The following UEVLD variants were observed in gnomAD, a reference collection of about 807,000 sequenced individuals.
UEVLD encodes the protein UEV and lactate/malate dehyrogenase domains, also known as ubiquitin-conjugating enzyme E2 variant 3.
Under a neutral mutation model 58.6 loss-of-function variants are expected in UEVLD, and 47 were observed. The observed-to-expected ratio is 0.80, with a 90% confidence interval of 0.63 to 1.02. UEVLD has a LOEUF of 1.02. Among genes scored for constraint, UEVLD ranks in the 50% least tolerant of loss-of-function variants. The pLI is 0.00. For missense variants in UEVLD, 510 were observed against 550.6 expected (o/e 0.93, Z 0.74); for synonymous variants, 197 against 195.3 (o/e 1.01, Z -0.07).
chr11:18,552,552 G>A (rs4623881), intron 7 of UEVLD, among the ~76,000 whole-genome samples: 56,205 of 151,386 alleles, frequency 0.37, 10,948 homozygotes, highest in East Asian at 0.66. Flanking sequence ...CTCAAAAAAT[G>A]AAAATAAAAA....
At chr11:18,561,008 CA>C (rs5790040) in intron 6 of UEVLD, among the ~76,000 whole-genome samples, 61,851 of 143,634 alleles carry the variant, frequency 0.43, 13,821 homozygotes, top group Non-Finnish European at 0.53. Context: ...GACTCCATCT[CA>C]AAAAAAAAAA....
intron 8 of UEVLD, among the ~76,000 whole-genome samples, chr11:18,545,784 T>C (rs1252024897): frequency 2.6e-5 from 4 of 152,136 alleles, no homozygotes; most frequent in Non-Finnish European, 5.9e-5. Flanking sequence ...GGGTAGAAAA[T>C]AGATAATTCC....
chr11:18,587,383 C>G (rs568657833), intron 1 of UEVLD, among the ~76,000 whole-genome samples: 1 of 152,338 alleles, frequency 6.6e-6, no homozygotes, highest in East Asian at 1.9e-4. Context: ...CTTACATAAA[C>G]AATTTCAATC....
chr11:18,532,504 AG>A lies in UEVLD; in HGVS notation c.1249-18del. ...ATAATATCCCTGAAATGAGAAAAATAGGGATTTAATAGAACTAAATCATTGC... is the reference window on the plus strand; with the variant it reads ...ATAATATCCCTGAAATGAGAAAAATAGGATTTAATAGAACTAAATCATTGC... On this transcript the variant is annotated intron_variant, in intron 11 of 11. Coordinates refer to ENST00000396197, the MANE Select transcript of UEVLD (RefSeq NM_001040697.4). 1.3e-6 allele frequency: 2 copies of A among 1,575,386 alleles called. No individual in the cohort carries two copies. Among genetic ancestry groups the A allele is most frequent in the Non-Finnish European group, 1.7e-6 (2 of 1,158,280 alleles).
intron 7 of UEVLD, among the ~76,000 whole-genome samples, chr11:18,556,810 G>A (rs1258051998): frequency 6.6e-6 from 1 of 151,932 alleles, no homozygotes; most frequent in Non-Finnish European, 1.5e-5. Context: ...AAATGAGATA[G>A]GGCAGGGTGC....
At position 18,578,711 on chromosome 11, in the gene UEVLD, A is replaced by G. The variant is rs765443603; in HGVS notation, c.127+13T>C. On this transcript the variant is annotated intron_variant, in intron 2 of 11. Coordinates refer to ENST00000396197, the MANE Select transcript of UEVLD (RefSeq NM_001040697.4). The stretch of plus-strand genomic sequence containing the variant: ...AATAATGCAGCATTTAAACTAGAGG[A>G]TATGATTCTTACCATAGGTGTCCAT... The G allele has an allele frequency of 1.5e-5, 23 of 1,576,304 alleles. No individual in the cohort carries two copies. The highest frequency in any genetic ancestry group is 3.6e-5 in the Admixed American group (2 of 55,864).
At position 18,531,789 on chromosome 11, in the gene UEVLD, T is replaced by C. The variant is rs1039274443; in HGVS notation, c.*531A>G. On this transcript the variant is annotated 3_prime_UTR_variant, in exon 12 of 12. Coordinates refer to ENST00000396197, the MANE Select transcript of UEVLD (RefSeq NM_001040697.4). ...TGCATGTAAAATTCTTTTCCATTTTTTGGTAGGTAATTAATTTGAAGAAGG... is the reference window on the plus strand; with the variant it reads ...TGCATGTAAAATTCTTTTCCATTTTCTGGTAGGTAATTAATTTGAAGAAGG... The C allele has an allele frequency of 1.3e-5, 2 of 152,246 alleles. No homozygotes were observed. The highest frequency in any genetic ancestry group is 2.4e-5 in the African/African-American group (1 of 41,464). The allele number at this position is 152,246 out of a possible 1,614,324, so 9.4% of individuals were successfully genotyped here.
At chr11:18,579,841 G>T (rs1215676595) in intron 1 of UEVLD, among the ~76,000 whole-genome samples, 7 of 151,888 alleles carry the variant, frequency 4.6e-5, no homozygotes. Context: ...GTATCAAAAA[G>T]AATAAAATAT....
chr11:18,580,940 A>G (rs1853207053), intron 1 of UEVLD, among the ~76,000 whole-genome samples: 1 of 152,118 alleles, frequency 6.6e-6, no homozygotes, highest in African/African-American at 2.4e-5. Flanking sequence ...AGGTGGGTGG[A>G]TCACCTGAGG....
intron 2 of UEVLD, 26 bp from the exon 3 acceptor site, chr11:18,575,438 A>G: frequency 6.3e-7 from 1 of 1,581,262 alleles, no homozygotes; most frequent in Non-Finnish European, 8.5e-7. Context: ...AAAAGCCCCA[A>G]AATGTGCAAT....
At chr11:18,556,471 C>T (rs1851761682) in intron 7 of UEVLD, among the ~76,000 whole-genome samples, 1 of 152,200 alleles carries the variant, frequency 6.6e-6, no homozygotes, top group African/African-American at 2.4e-5. Flanking sequence ...TTTCTGACTA[C>T]CATTCCTTAG....
chr11:18,549,224 A>G (rs527473725), intron 7 of UEVLD, among the ~76,000 whole-genome samples: 2 of 152,306 alleles, frequency 1.3e-5, no homozygotes, highest in South Asian at 4.1e-4. Flanking sequence ...ACACCCTCAT[A>G]AGGATGAGGA....
In UEVLD at chr11:18,565,900, CTT is replaced by C. The variant is rs1178580117; in HGVS notation, c.493+445_493+446del. 6.0e-3 allele frequency among the ~76,000 whole-genome samples: 816 copies of C among 135,758 alleles called. 4 individuals carry two copies. The highest frequency in any genetic ancestry group is 0.021 in the African/African-American group (765 of 36,830). 89.1% of individuals were successfully genotyped at this position (135,758 alleles called of 152,430 possible). On this transcript the variant is annotated intron_variant, in intron 5 of 11. Coordinates refer to ENST00000396197, the MANE Select transcript of UEVLD (RefSeq NM_001040697.4). ...AAGGCAAAGGAATTACTTTTTTTTT[CTT>C]TTTTTTTTTTTTTTGAGATGGAGTC...
At chr11:18,560,090 T>TACACACAC (rs71050609) in intron 6 of UEVLD, among the ~76,000 whole-genome samples, 1,053 of 76,040 alleles carry the variant, frequency 0.014, 37 homozygotes, top group South Asian at 0.022. Flanking sequence ...ACCCCGTCTC[T>TACACACAC]ACACACACAC....
intron 3 of UEVLD, among the ~76,000 whole-genome samples, chr11:18,572,791 CA>C (rs905892490): frequency 1.8e-5 from 2 of 108,750 alleles, no homozygotes; most frequent in Non-Finnish European, 3.8e-5. Context: ...GCAACAAGAG[CA>C]AAACTCCATC....
intron 7 of UEVLD, among the ~76,000 whole-genome samples, chr11:18,551,422 C>CAAAAAAAA (rs34545423): frequency 1.5e-5 from 1 of 67,384 alleles, no homozygotes. Flanking sequence ...GACTCCATCA[C>CAAAAAAAA]AAAAAAAAAA....
intron 10 of UEVLD, among the ~76,000 whole-genome samples, chr11:18,535,382 A>T (rs773105645): frequency 6.6e-6 from 1 of 152,248 alleles, no homozygotes; most frequent in African/African-American, 2.4e-5. Flanking sequence ...ATAAGCATAC[A>T]TTCTTTTATA....
intron 5 of UEVLD, 24 bp from the exon 6 acceptor site, chr11:18,565,034 T>G: frequency 6.6e-7 from 1 of 1,522,302 alleles, no homozygotes; most frequent in Non-Finnish European, 9.0e-7. Context: ...TGAATTATCC[T>G]GAGAATTCAA....
chr11:18,538,835 GC>G (rs1333749914), intron 9 of UEVLD: 2 of 150,546 alleles, frequency 1.3e-5, no homozygotes, highest in African/African-American at 4.9e-5. Flanking sequence ...TTCGAGACCA[GC>G]CTGGCCACCA....
Sources: gnomAD v4.1 joint callset for allele counts (sites outside exome capture counted in the v4.1 genomes callset) on GRCh38, gnomAD v4.1.1 for gene constraint, MANE v1.5 for transcripts, NCBI Gene and HGNC (gene_info 2026-07-23, HGNC 2026-07-21) for gene names.